The following GLRA2 variants were observed in gnomAD, a reference collection of about 807,000 sequenced individuals.
GLRA2 encodes glycine receptor alpha 2, also known as glycine receptor subunit alpha-2.
Under a neutral mutation model 31.6 loss-of-function variants are expected in GLRA2, and 11 were observed. The observed-to-expected ratio is 0.35, with a 90% confidence interval of 0.22 to 0.58. The LOEUF (loss-of-function observed/expected upper bound fraction) is 0.58. Among genes scored for constraint, GLRA2 ranks in the 20% least tolerant of loss-of-function variants. GLRA2 has a pLI of 0.84. For synonymous variants in GLRA2, 132 were observed against 134.0 expected (o/e 0.99, Z 0.10); for missense variants, 212 against 351.8 (o/e 0.60, Z 3.18).
chrX:14,689,736 T>G (rs1024325366), intron 7 of GLRA2, among the ~76,000 whole-genome samples: 1 of 112,168 alleles, frequency 8.9e-6, no homozygotes, highest in African/African-American at 3.2e-5. Context: ...TAGAACTGAA[T>G]AGTACACATT....
chrX:14,579,480 C>T (rs1164224793), intron 3 of GLRA2, among the ~76,000 whole-genome samples: 1 of 111,085 alleles, frequency 9.0e-6, no homozygotes, highest in Non-Finnish European at 1.9e-5. Context: ...CAGGCATGCA[C>T]CAGCACACCT....
chrX:14,726,307 C>T (rs1007910110), intron 8 of GLRA2, among the ~76,000 whole-genome samples: 4 of 112,003 alleles, frequency 3.6e-5, no homozygotes, highest in African/African-American at 9.7e-5. Flanking sequence ...TTTTCAGAAT[C>T]AAAACCATCT....
At chrX:14,465,095 G>C in the GLRA2 span, among the ~76,000 whole-genome samples, 1 of 111,160 alleles carries the variant, frequency 9.0e-6, no homozygotes, top group South Asian at 3.7e-4. Context: ...GCTTTGGGCA[G>C]TATGGTCATT....
At chrX:14,601,451 C>T (rs1352134733) in intron 4 of GLRA2, among the ~76,000 whole-genome samples, 1 of 111,532 alleles carries the variant, frequency 9.0e-6, no homozygotes, top group Non-Finnish European at 1.9e-5. Flanking sequence ...CAGCTAATTA[C>T]ACAAAGATGG....
the GLRA2 span, among the ~76,000 whole-genome samples, chrX:14,462,804 CAG>C: frequency 1.8e-5 from 2 of 111,587 alleles, no homozygotes; most frequent in African/African-American, 6.5e-5. Context: ...TCCTTTAGCT[CAG>C]AGAAGTTTTT....
chrX:14,673,775 C>T (rs899404114), intron 7 of GLRA2, among the ~76,000 whole-genome samples: 3 of 112,264 alleles, frequency 2.7e-5, no homozygotes, highest in African/African-American at 9.7e-5. Flanking sequence ...TACAAGTAGT[C>T]GAGGCACTAA....
chrX:14,449,402 G>A, the GLRA2 span, among the ~76,000 whole-genome samples: 368 of 112,640 alleles, frequency 3.3e-3, 2 homozygotes, highest in African/African-American at 0.012. Flanking sequence ...AGGAAGCAGA[G>A]CTTAAACCTG....
At chrX:14,623,860 T>A (rs1211040369) in intron 7 of GLRA2, among the ~76,000 whole-genome samples, 3 of 112,033 alleles carry the variant, frequency 2.7e-5, no homozygotes, top group Non-Finnish European at 5.6e-5. Context: ...GATGCTCGCC[T>A]CATAAAATGA....
chrX:14,682,905 A>G (rs776550387), intron 7 of GLRA2, among the ~76,000 whole-genome samples: 2 of 111,484 alleles, frequency 1.8e-5, no homozygotes, highest in South Asian at 3.8e-4. Flanking sequence ...GCTGCATAGT[A>G]TTCCATGGTG....
chrX:14,497,638 G>C, the GLRA2 span, among the ~76,000 whole-genome samples: 26 of 111,574 alleles, frequency 2.3e-4, no homozygotes, highest in African/African-American at 7.8e-4. Flanking sequence ...CATGTTGCTG[G>C]GAGCATTTTC....
intron 8 of GLRA2, among the ~76,000 whole-genome samples, chrX:14,707,776 ACG>A (rs1260022782): frequency 8.0e-5 from 7 of 87,231 alleles, no homozygotes; most frequent in African/African-American, 3.2e-4. Context: ...GTGTGTGTGC[ACG>A]CGCGCGTGTT....
chrX:14,619,881 G>A lies in GLRA2; in HGVS notation c.930+10676G>A, dbSNP rs757864006. 3.9e-4 allele frequency among the ~76,000 whole-genome samples: 43 copies of A among 109,891 alleles called. No individual in the cohort carries two copies. The Middle Eastern group carries it at 0.028, about 72-fold the overall frequency. Reference sequence around the variant, plus strand: ...CACAGTATATTCTCAATAAATATTTGTTGATTGAATAATGAATGAACATCT... The same window carrying A: ...CACAGTATATTCTCAATAAATATTTATTGATTGAATAATGAATGAACATCT... On this transcript the variant is annotated intron_variant, in intron 7 of 8. Transcript: ENST00000218075.
intron 7 of GLRA2, among the ~76,000 whole-genome samples, chrX:14,686,916 G>T (rs923570698): frequency 1.8e-5 from 2 of 111,365 alleles, no homozygotes; most frequent in Middle Eastern, 4.6e-3. Context: ...AGCCTCGATG[G>T]TCTTTGTTTT....
At chrX:14,645,823 A>G (rs1468876537) in intron 7 of GLRA2, among the ~76,000 whole-genome samples, 1 of 111,876 alleles carries the variant, frequency 8.9e-6, no homozygotes, top group Non-Finnish European at 1.9e-5. Flanking sequence ...TTGTTTGCCT[A>G]TTCCCATGCT....
At chrX:14,537,064 C>A (rs1054481282) in intron 2 of GLRA2, among the ~76,000 whole-genome samples, 1 of 110,854 alleles carries the variant, frequency 9.0e-6, no homozygotes, top group East Asian at 2.8e-4. Context: ...CAGTGGGAAC[C>A]ATTCATTGAA....
chrX:14,574,309 C>T (rs1040482533), intron 2 of GLRA2, 24 bp from the exon 3 acceptor site: 2 of 1,063,604 alleles, frequency 1.9e-6, no homozygotes, highest in Non-Finnish European at 2.6e-6. Context: ...ATGTCTATTG[C>T]AATATTCTCA....
chrX:14,621,308 A>C (rs2147108130), intron 7 of GLRA2, among the ~76,000 whole-genome samples: 1 of 111,399 alleles, frequency 9.0e-6, no homozygotes, highest in African/African-American at 3.3e-5. Context: ...CTATCTGGGC[A>C]TAGGGTCCAG....
At chrX:14,557,173 T>C (rs778172266) in intron 2 of GLRA2, among the ~76,000 whole-genome samples, 9 of 82,869 alleles carry the variant, frequency 1.1e-4, no homozygotes, top group Non-Finnish European at 1.1e-4. Context: ...TGGAGTGCAG[T>C]GGCGCGATCT....
At chrX:14,674,891 C>T (rs185909810) in intron 7 of GLRA2, among the ~76,000 whole-genome samples, 35 of 111,087 alleles carry the variant, frequency 3.2e-4, no homozygotes, top group African/African-American at 1.1e-3. Context: ...TGAGATCACC[C>T]AATTGGGTCT....
Sources: gnomAD v4.1 joint callset for allele counts (sites outside exome capture counted in the v4.1 genomes callset) on GRCh38, gnomAD v4.1.1 for gene constraint, MANE v1.5 for transcripts, NCBI Gene and HGNC (gene_info 2026-07-23, HGNC 2026-07-21) for gene names.